POLE3: variants seen among roughly 807,000 people sequenced by gnomAD.
POLE3 encodes the protein DNA polymerase epsilon 3, accessory subunit.
POLE3 carries 10 observed loss-of-function variants against 16.1 expected under a neutral mutation model. The observed-to-expected ratio is 0.62, with a 90% CI of 0.38 to 1.05. The LOEUF (loss-of-function observed/expected upper bound fraction) is 1.05, where lower values mean the gene tolerates loss of function less well. POLE3 is among the 50% of genes least tolerant of loss of function. The pLI, the probability that POLE3 is intolerant of heterozygous loss-of-function variation, is 0.01. For missense variants in POLE3, 169 were observed against 185.0 expected (o/e 0.91, Z 0.50); for synonymous variants, 83 against 71.0 (o/e 1.17, Z -0.85).
chr9:113,410,075 G>A lies in POLE3; in HGVS notation c.132C>T (p.Phe44=), dbSNP rs776302646. Residue 44 remains phenylalanine, a synonymous_variant, in exon 3 of 5, where the codon TTC becomes TTT. Transcript: ENST00000374171. ...RSAISRAASV[F]VLYATSCANN... ...CTCACCAGGATGTGGCGTACAGCAC[G>A]AAGACGCTGGCGGCGCGGGAGATGG... 8.8e-5 allele frequency: 138 copies of A among 1,574,244 alleles called. No homozygotes were observed. Among genetic ancestry groups the A allele is most frequent in the Admixed American group, 3.2e-4 (17 of 53,434 alleles).
In POLE3 at chr9:113,409,173, C is replaced by T. The variant is rs984080204; in HGVS notation, c.272-190G>A. ...GGTCAGGAGTTCAAGACCAGCCTGGCCAATATGGTGAAACCCCGTCTCTAC... is the reference window on the plus strand; with the variant it reads ...GGTCAGGAGTTCAAGACCAGCCTGGTCAATATGGTGAAACCCCGTCTCTAC... On this transcript the variant is annotated intron_variant, in intron 4 of 4. Transcript: ENST00000374171. 2.6e-5 allele frequency among the ~76,000 whole-genome samples: 4 copies of T among 151,852 alleles called. No homozygotes were observed. In the South Asian group the frequency reaches 8.3e-4, roughly 32 times the overall value.
rs1300896818 is a variant in POLE3, at chr9:113,408,473, T to C, written c.*338A>G. The C allele has an allele frequency of 1.6e-5, 3 of 183,892 alleles. No homozygotes were observed. The highest frequency in any genetic ancestry group is 3.5e-5 in the Non-Finnish European group (3 of 86,666). 11.4% of individuals were successfully genotyped at this position (183,892 alleles called of 1,614,324 possible). A position where few individuals can be genotyped will look rare whatever the true frequency, so the allele number is the denominator to read the frequency against. On this transcript the variant is annotated 3_prime_UTR_variant, in exon 5 of 5. Coordinates refer to ENST00000374171, the MANE Select transcript of POLE3 (RefSeq NM_017443.5). ...CAGGCAGCATGGAAGTTATTATTAC[T>C]TATTTGGGGGACTAGGGAAGACTGC...
In POLE3 at chr9:113,407,474, G is replaced by A. The variant is rs1827966039; in HGVS notation, c.*1337C>T. 1 of 152,626 alleles carries A rather than the reference G, an allele frequency of 6.6e-6. No individual in the cohort carries two copies. The highest frequency in any genetic ancestry group is 6.5e-5 in the Admixed American group (1 of 15,282). 9.5% of individuals were successfully genotyped at this position (152,626 alleles called of 1,614,324 possible). A position where few individuals can be genotyped will look rare whatever the true frequency, so the allele number is the denominator to read the frequency against. On this transcript the variant is annotated 3_prime_UTR_variant, in exon 5 of 5. Coordinates refer to ENST00000374171, the MANE Select transcript of POLE3 (RefSeq NM_017443.5). ...AGTTAAAGAGGATGGTTTAGGGAGAGTTAGATTCCTGAGCACCATCAGATT... is the reference window on the plus strand; with the variant it reads ...AGTTAAAGAGGATGGTTTAGGGAGAATTAGATTCCTGAGCACCATCAGATT...
chr9:113,410,326 T>G lies in POLE3; in HGVS notation c.-33A>C. 6.2e-7 allele frequency: 1 copy of G among 1,600,744 alleles called. No individual in the cohort carries two copies. Among genetic ancestry groups the G allele is most frequent in the South Asian group, 1.1e-5 (1 of 89,782 alleles). ...GCTGGGGCTTAAACTCCCCTTCGCC[T>G]CCGCTTCAGGGAGCTACTGCGTCCG... On this transcript the variant is annotated 5_prime_UTR_variant, in exon 2 of 5. Coordinates refer to ENST00000374171, the MANE Select transcript of POLE3 (RefSeq NM_017443.5).
In POLE3 at chr9:113,408,477, T is replaced by C. The variant is rs754478778; in HGVS notation, c.*334A>G. 1.1e-5 allele frequency: 2 copies of C among 185,002 alleles called. No individual in the cohort carries two copies. The highest frequency in any genetic ancestry group is 5.6e-5 in the Admixed American group (1 of 18,010). 11.5% of individuals were successfully genotyped at this position (185,002 alleles called of 1,614,324 possible). A position where few individuals can be genotyped will look rare whatever the true frequency, so the allele number is the denominator to read the frequency against. On this transcript the variant is annotated 3_prime_UTR_variant, in exon 5 of 5. Transcript: ENST00000374171. ...CAGCATGGAAGTTATTATTACTTAT[T>C]TGGGGGACTAGGGAAGACTGCAGAT...
Position 113,407,422 on chromosome 9 carries a change from A to G in POLE3, c.*1389T>C, listed in dbSNP as rs796296606. 4 of 152,758 alleles carry G rather than the reference A, an allele frequency of 2.6e-5. No homozygotes were observed. The highest frequency in any genetic ancestry group is 9.6e-5 in the African/African-American group (4 of 41,586). 9.5% of individuals were successfully genotyped at this position (152,758 alleles called of 1,614,324 possible). A position where few individuals can be genotyped will look rare whatever the true frequency, so the allele number is the denominator to read the frequency against. On this transcript the variant is annotated 3_prime_UTR_variant, in exon 5 of 5. Transcript: ENST00000374171. ...TGAATGGAAACAGAAAAAGGCTAAG[A>G]AAGGCCAACAGAGATATTTTAGAAG... is the stretch of plus-strand genomic sequence containing the variant.
chr9:113,408,811 T>C lies in POLE3; in HGVS notation c.444A>G (p.Ter148TrpextTer31). 6.2e-7 allele frequency: 1 copy of C among 1,612,770 alleles called. No homozygotes were observed. Among genetic ancestry groups the C allele is most frequent in the Non-Finnish European group, 8.5e-7 (1 of 1,179,076 alleles). The change falls in exon 5 of 5, where the codon TGA (stop) becomes TGG (tryptophan). Residue 148 changes from the stop codon to tryptophan, a stop_lost. Transcript: ENST00000374171. ...AAGGTGCCACAGTCTCCCGCCCTTT[T>C]CAGTTGTCTACTTCTTCCTCTTCAT... ...EQNEEEEVDN[*>W]
rs1246618970 is a variant in POLE3, at chr9:113,409,973, A to C, written c.152+82T>G. 3.5e-6 allele frequency: 4 copies of C among 1,155,008 alleles called. No homozygotes were observed. In the African/African-American group the frequency reaches 4.6e-5, roughly 13 times the overall value. 71.5% of individuals were successfully genotyped at this position (1,155,008 alleles called of 1,614,324 possible). A position where few individuals can be genotyped will look rare whatever the true frequency, so the allele number is the denominator to read the frequency against. ...ACATGTCCCCACCGAGGGAGAACAC[A>C]ATCGTTGGGGTTTGTAGGCTCCCAG... On this transcript the variant is annotated intron_variant, in intron 3 of 4. Transcript: ENST00000374171.
chr9:113,409,154 G>A (rs1008654462), intron 4 of POLE3, among the ~76,000 whole-genome samples, 171 bp from the exon 5 acceptor site: 2 of 152,046 alleles, frequency 1.3e-5, no homozygotes, highest in African/African-American at 4.8e-5. Flanking sequence ...CTGAGGTCAG[G>A]AGTTCAAGAC....
At chr9:113,409,749 T>C (rs1828040859) in intron 3 of POLE3, 21 bp from the exon 4 acceptor site, 1 of 1,452,488 alleles carries the variant, frequency 6.9e-7, no homozygotes, top group African/African-American at 1.4e-5. Flanking sequence ...AGAAAGGCTG[T>C]CAGACTCCCT....
Position 113,408,516 on chromosome 9 carries a change from A to C in POLE3, c.*295T>G, listed in dbSNP as rs1827983782. On this transcript the variant is annotated 3_prime_UTR_variant, in exon 5 of 5. Coordinates refer to ENST00000374171, the MANE Select transcript of POLE3 (RefSeq NM_017443.5). Reference sequence around the variant, plus strand: ...AAGACTGCAGATCAAAAACCATCTAACCATACATTTAAGTAAACAAAAGCG... The same window carrying C: ...AAGACTGCAGATCAAAAACCATCTACCCATACATTTAAGTAAACAAAAGCG... 4.4e-6 allele frequency: 1 copy of C among 225,520 alleles called. No homozygotes were observed. Among genetic ancestry groups the C allele is most frequent in the Non-Finnish European group, 8.9e-6 (1 of 112,570 alleles). 14.0% of individuals were successfully genotyped at this position (225,520 alleles called of 1,614,324 possible). A position where few individuals can be genotyped will look rare whatever the true frequency, so the allele number is the denominator to read the frequency against.
At chr9:113,410,163 C>T (rs926766919) in intron 2 of POLE3, 23 bp from the exon 3 acceptor site, 1 of 1,605,262 alleles carries the variant, frequency 6.2e-7, no homozygotes, top group Non-Finnish European at 8.5e-7. Context: ...CGGGGGTGAG[C>T]AAAGCTGCCG....
intron 3 of POLE3, 30 bp from the exon 4 acceptor site, chr9:113,409,758 C>CT (rs746428324): frequency 2.1e-6 from 3 of 1,429,362 alleles, no homozygotes; most frequent in Non-Finnish European, 2.0e-6. Flanking sequence ...GTCAGACTCC[C>CT]TCTTGTTTGT....
At chr9:113,409,856 T>C in intron 3 of POLE3, 128 bp from the exon 4 acceptor site, 1 of 777,438 alleles carries the variant, frequency 1.3e-6, no homozygotes. Context: ...CAGGGATAAG[T>C]CCTTCCCTTC....
chr9:113,409,487 G>C, intron 4 of POLE3, 123 bp downstream of exon 4: 2 of 673,664 alleles, frequency 3.0e-6, no homozygotes, highest in East Asian at 5.0e-5. Flanking sequence ...ACTGGGTCGA[G>C]TCACATCAAG....
intron 3 of POLE3, 113 bp from the exon 4 acceptor site, chr9:113,409,841 T>G: frequency 1.2e-6 from 1 of 820,212 alleles, no homozygotes; most frequent in South Asian, 1.5e-5. Context: ...TGGATTTTGG[T>G]GTGACAGGGA....
intron 1 of POLE3, 57 bp from the exon 2 acceptor site, chr9:113,410,465 C>A: frequency 1.6e-6 from 1 of 619,872 alleles, no homozygotes; most frequent in South Asian, 1.9e-5. Flanking sequence ...CCCACAGCCC[C>A]GCCTCCGCCT....
Position 113,410,622 on chromosome 9 carries a change from T to C in POLE3, c.-121A>G. The C allele has an allele frequency of 2.3e-6, 1 of 432,938 alleles. No homozygotes were observed. The allele number at this position is 432,938 out of a possible 1,614,324, so 26.8% of individuals were successfully genotyped here. On this transcript the variant is annotated 5_prime_UTR_variant, in exon 1 of 5. In the 5' UTR this introduces an upstream ATG that the reference lacks. Transcript: ENST00000374171. ...CGCGTCGGGAACCTTCTCACCAACT[T>C]ATTTGGCTCAATGGAGCTTCCGTCC...
At position 113,408,856 on chromosome 9, in the gene POLE3, C is replaced by T; in HGVS notation, c.399G>A (p.Arg133=). Residue 133 remains arginine, a synonymous_variant, in exon 5 of 5, where the codon AGG becomes AGA. Coordinates refer to ENST00000374171, the MANE Select transcript of POLE3 (RefSeq NM_017443.5). ...CTTCATTCTGTTCTTCTTCTTCCAGCCTTTCTTCGTCTTCATCATTGTCCT... is the reference window on the plus strand; with the variant it reads ...CTTCATTCTGTTCTTCTTCTTCCAGTCTTTCTTCGTCTTCATCATTGTCCT... ...RDEDNDEDEE[R]LEEEEQNEEE... is the part of the protein sequence containing the mutation. The T allele has an allele frequency of 1.2e-6, 2 of 1,613,392 alleles. No homozygotes were observed. The highest frequency in any genetic ancestry group is 1.7e-6 in the Non-Finnish European group (2 of 1,179,610).
Sources: allele counts gnomAD v4.1 joint callset (sites outside exome capture counted in the v4.1 genomes callset), GRCh38; gene constraint gnomAD v4.1.1; transcripts MANE v1.5; gene names NCBI Gene and HGNC (gene_info 2026-07-23, HGNC 2026-07-21).